Variants in LRRC4B observed in about 807,000 individuals in gnomAD.
LRRC4B encodes leucine rich repeat containing 4B, also known as leucine-rich repeat-containing protein 4B.
A neutral mutation model predicts 7.3 loss-of-function variants in LRRC4B; 1 was observed. The observed-to-expected ratio is 0.14, with a 90% CI of 0.05 to 0.65. The LOEUF is 0.65. LRRC4B is among the 30% of genes least tolerant of loss of function. The pLI is 0.84. For missense variants in LRRC4B, 730 were observed against 1,041.6 expected, an observed-to-expected ratio of 0.70 and a Z score of 4.12; for synonymous variants, 500 against 499.2, an observed-to-expected ratio of 1.00 and a Z score of -0.02.
intron 2 of LRRC4B, among the ~76,000 whole-genome samples, chr19:50,527,829 C>A (rs1399493947): frequency 1.3e-5 from 2 of 151,642 alleles, no homozygotes; most frequent in East Asian, 1.9e-4. Context: ...GCAAGCTCCG[C>A]CTTCTGGGTT....
rs1233058047 is a variant in LRRC4B at position 50,518,757 on chromosome 19, A to G, written c.956T>C (p.Val319Ala). The change falls in exon 3 of 3, where the codon GTG (valine) becomes GCG (alanine). Residue 319 changes from valine to alanine, a missense_variant. Physicochemically the swap from Val to Ala is moderately conservative, Grantham distance 64 (BLOSUM62 0). Transcript: ENST00000652263. ...NHNPWHCNCD[V>A]LWLSWWLKET... ...CTTGAGCCACCAGCTCAGCCAGAGC[A>G]CGTCGCAGTTGCAATGCCAGGGGTT... 6.2e-7 allele frequency: 1 copy of G among 1,614,022 alleles called. No homozygotes were observed. Among genetic ancestry groups the G allele is most frequent in the Admixed American group, 1.7e-5 (1 of 60,028 alleles).
chr19:50,563,240 G>A lies in LRRC4B; in HGVS notation c.-36+4704C>T, dbSNP rs1982528262. Among the ~76,000 whole-genome samples, 1 of 152,112 alleles carries A rather than the reference G, an allele frequency of 6.6e-6. No individual in the cohort carries two copies. Among genetic ancestry groups the A allele is most frequent in the Non-Finnish European group, 1.5e-5 (1 of 68,012 alleles). ...CCTGCCATGACAACAGTTGCGCGTG[G>A]GTTTCCAGGCAACAAGGGGCATCCT... On this transcript the variant is annotated intron_variant, in intron 1 of 2. Transcript: ENST00000652263. The surrounding 1 kb of genome is among the most constrained non-coding windows in gnomAD (Gnocchi z 4.9).
At chr19:50,567,587 A>G (rs946972869) in intron 1 of LRRC4B, among the ~76,000 whole-genome samples, 1 of 145,044 alleles carries the variant, frequency 6.9e-6, no homozygotes, top group African/African-American at 2.6e-5. Flanking sequence ...CCCGCCCCAG[A>G]AAGGGGGGCC....
chr19:50,552,759 CCCATCCAT>C lies in LRRC4B; in HGVS notation c.-35-3894_-35-3887del, dbSNP rs775317473. Among the ~76,000 whole-genome samples, 5 of 150,642 alleles carry C rather than the reference CCCATCCAT, an allele frequency of 3.3e-5. No individual in the cohort carries two copies. The South Asian group carries it at 6.4e-4, about 19-fold the overall frequency. ...TTCCATCCCTCCGCCCATCCATCCA[CCCATCCAT>C]CCATCCATCCATCCGTCCACCCATC... On this transcript the variant is annotated intron_variant, in intron 1 of 2. Transcript: ENST00000652263.
At chr19:50,538,239 T>C (rs892922834) in intron 2 of LRRC4B, among the ~76,000 whole-genome samples, 1 of 152,208 alleles carries the variant, frequency 6.6e-6, no homozygotes, top group Non-Finnish European at 1.5e-5. Flanking sequence ...ATTTTTGTAT[T>C]TTTGGTAGAG....
intron 2 of LRRC4B, among the ~76,000 whole-genome samples, chr19:50,527,983 T>C (rs1363144855): frequency 2.0e-5 from 3 of 151,960 alleles, no homozygotes; most frequent in African/African-American, 7.2e-5. Flanking sequence ...CCTCGTGATC[T>C]GCCTGCCTCG....
Position 50,518,712 on chromosome 19 carries a change from G to C in LRRC4B, c.1001C>G (p.Thr334Arg). Residue 334 changes from threonine to arginine, a missense_variant, in exon 3 of 3, where the codon ACG (threonine) becomes AGG (arginine). Thr to Arg is a moderately conservative substitution (Grantham distance 71, BLOSUM62 -1). Around this residue, in one of 6 missense-constraint regions of LRRC4B, gnomAD observed 226 missense variants for 448.0 expected, o/e 0.50. Coordinates refer to ENST00000652263, the MANE Select transcript of LRRC4B (RefSeq NM_001080457.2). Reference sequence around the variant, plus strand: ...CGCATGACAGCGGGCGCAGCACGTCGTGTTGCTGGGCACCGTCTCCTTGAG... The same window carrying C: ...CGCATGACAGCGGGCGCAGCACGTCCTGTTGCTGGGCACCGTCTCCTTGAG... ...WWLKETVPSNTTCCARCHAPA... is the reference protein window; with the variant it reads ...WWLKETVPSNRTCCARCHAPA... 6.2e-7 allele frequency: 1 copy of C among 1,613,908 alleles called. No homozygotes were observed. Among genetic ancestry groups the C allele is most frequent in the Non-Finnish European group, 8.5e-7 (1 of 1,179,946 alleles).
intron 2 of LRRC4B, among the ~76,000 whole-genome samples, chr19:50,546,353 A>C (rs1282050931): frequency 6.6e-6 from 1 of 151,878 alleles, no homozygotes; most frequent in East Asian, 1.9e-4. Context: ...TAAATAAATA[A>C]ATACAAAAAT....
At position 50,548,556 on chromosome 19, in the gene LRRC4B, C is replaced by T; in HGVS notation, c.283G>A (p.Glu95Lys). The T allele has an allele frequency of 6.3e-7, 1 of 1,598,502 alleles. No homozygotes were observed. Among genetic ancestry groups the T allele is most frequent in the Non-Finnish European group, 8.5e-7 (1 of 1,178,168 alleles). Residue 95 changes from glutamate (E) to lysine (K), a missense_variant, in exon 2 of 3, where the codon GAG becomes AAG. By Grantham distance (56) the Glu-to-Lys change is moderately conservative (BLOSUM62 1). Transcript: ENST00000652263. The surrounding 1 kb of genome is among the most constrained non-coding windows in gnomAD (Gnocchi z 6.8). ...GCCCCGCATACCTGGATGCCGTTCT[C>T]TTGCAGGTTCAGGTACCGCGTGTTG... is the stretch of plus-strand genomic sequence containing the variant. ...PVNTRYLNLQ[E>K]NGIQVIRTDT...
chr19:50,560,388 CCA>C (rs1472205864), intron 1 of LRRC4B, among the ~76,000 whole-genome samples: 2 of 152,128 alleles, frequency 1.3e-5, no homozygotes, highest in Non-Finnish European at 2.9e-5. Context: ...ACCTCAGCTG[CCA>C]CAGTTACTAG....
Position 50,568,271 on chromosome 19 carries a change from C to T in LRRC4B, c.-363G>A, listed in dbSNP as rs1037012899. Among the ~76,000 whole-genome samples the T allele has an allele frequency of 6.6e-6, 1 of 151,760 alleles. No individual in the cohort carries two copies. The highest frequency in any genetic ancestry group is 6.6e-5 in the Admixed American group (1 of 15,246). On this transcript the variant is annotated 5_prime_UTR_variant, in exon 1 of 3. Transcript: ENST00000652263. ...TCCTTCTTTCTTTCCTGGCTTCCTT[C>T]CTTCCAGCCTTCCTTCCTTCCTTCC...
intron 1 of LRRC4B, among the ~76,000 whole-genome samples, chr19:50,564,210 G>A (rs545616822): frequency 2.0e-5 from 3 of 152,298 alleles, no homozygotes; most frequent in African/African-American, 7.2e-5. Context: ...GGGGGAAGAC[G>A]ATTCCAAAAG....
At chr19:50,539,948 C>T (rs758050043) in intron 2 of LRRC4B, among the ~76,000 whole-genome samples, 28 of 149,946 alleles carry the variant, frequency 1.9e-4, no homozygotes, top group Non-Finnish European at 2.8e-4. Context: ...ATAAAGAAAA[C>T]ATAAAGAAGA....
At chr19:50,544,283 G>C (rs971364995) in intron 2 of LRRC4B, among the ~76,000 whole-genome samples, 3 of 151,830 alleles carry the variant, frequency 2.0e-5, no homozygotes, top group Non-Finnish European at 2.9e-5. Context: ...GAGGCGGGCA[G>C]ATCACGAAGT....
intron 1 of LRRC4B, among the ~76,000 whole-genome samples, chr19:50,558,363 C>T (rs750630742): frequency 9.9e-5 from 15 of 152,142 alleles, no homozygotes; most frequent in South Asian, 6.2e-4. Flanking sequence ...CCTGAGTAGC[C>T]GACTACAGGC....
chr19:50,564,601 AG>A (rs1187146574), intron 1 of LRRC4B, among the ~76,000 whole-genome samples: 1 of 151,964 alleles, frequency 6.6e-6, no homozygotes, highest in African/African-American at 2.4e-5. Flanking sequence ...GGGGGCTGGG[AG>A]GGCAAAGGGT....
intron 2 of LRRC4B, among the ~76,000 whole-genome samples, chr19:50,540,576 G>A (rs1243240072): frequency 4.0e-5 from 6 of 151,870 alleles, no homozygotes; most frequent in Non-Finnish European, 2.9e-5. Context: ...GGCTGGTCTC[G>A]AACTCGTGAC....
At position 50,556,828 on chromosome 19, in the gene LRRC4B, T is replaced by G. The variant is rs1445725511; in HGVS notation, c.-35-7955A>C. Among the ~76,000 whole-genome samples the G allele has an allele frequency of 1.3e-4, 15 of 117,556 alleles. No individual in the cohort carries two copies. Among genetic ancestry groups the G allele is most frequent in the African/African-American group, 2.3e-4 (7 of 29,984 alleles). The allele number at this position is 117,556 out of a possible 152,430, so 77.1% of individuals were successfully genotyped here. On this transcript the variant is annotated intron_variant, in intron 1 of 2. Coordinates refer to ENST00000652263, the MANE Select transcript of LRRC4B (RefSeq NM_001080457.2). This position sits in a 1 kb window ranked among gnomAD's most constrained non-coding sequence, Gnocchi z 4.2. ...GTCTCTAGGGAGGCAAGTGTGGGGG[T>G]GGGGGAGCCGTCCGAGGGCTAAGTG...
At chr19:50,562,248 C>G (rs1443915238) in intron 1 of LRRC4B, among the ~76,000 whole-genome samples, 1 of 152,114 alleles carries the variant, frequency 6.6e-6, no homozygotes, top group Non-Finnish European at 1.5e-5. Context: ...CAGGGCGGCC[C>G]ACACCAGGGT....
Sources: allele counts gnomAD v4.1 joint callset (sites outside exome capture counted in the v4.1 genomes callset), GRCh38; gene constraint gnomAD v4.1.1; regional missense constraint gnomAD v4.1.1; non-coding constraint Gnocchi (gnomAD v3.1); transcripts MANE v1.5; gene names NCBI Gene and HGNC (gene_info 2026-07-23, HGNC 2026-07-21).